The following ABI2 variants were observed in gnomAD, a reference collection of about 807,000 sequenced individuals.
The protein encoded by ABI2 is abl interactor 2.
Under a neutral mutation model 59.2 loss-of-function variants are expected in ABI2, and 25 were observed. The observed-to-expected ratio is 0.42, with a 90% CI of 0.31 to 0.59. The LOEUF is 0.59. Ranked by LOEUF, ABI2 falls within the 20% of genes least tolerant of loss-of-function variation. ABI2 has a pLI of 0.14. For synonymous variants in ABI2, 213 were observed against 235.5 expected (o/e 0.90, Z 0.87); for missense variants, 545 against 681.8 (o/e 0.80, Z 2.23).
At chr2:203,405,810 G>C (rs1017701552) in intron 9 of ABI2, among the ~76,000 whole-genome samples, 236 of 152,164 alleles carry the variant, frequency 1.6e-3, no homozygotes, top group Non-Finnish European at 4.3e-4. Context: ...ATTCAGTGGG[G>C]TTCTGTGAGG....
At chr2:203,396,135 A>G (rs2096971693) in intron 7 of ABI2, among the ~76,000 whole-genome samples, 1 of 152,222 alleles carries the variant, frequency 6.6e-6, no homozygotes, top group South Asian at 2.1e-4. Flanking sequence ...GCAGATATAA[A>G]AAGTAGTTTT....
At chr2:203,417,868 A>T (rs532741206) in intron 11 of ABI2, among the ~76,000 whole-genome samples, 3 of 152,264 alleles carry the variant, frequency 2.0e-5, no homozygotes, top group East Asian at 1.9e-4. Flanking sequence ...AAGGAAATTA[A>T]TTTTTTTCTT....
Position 203,394,303 on chromosome 2 carries a change from A to G in ABI2, c.579-397A>G, listed in dbSNP as rs573453472. ...TTCCTGTCTTTGAATATCTTTGGTT[A>G]GGGAGAGAAGGGAGAGGAGAATAAT... On this transcript the variant is annotated intron_variant, in intron 5 of 11. Coordinates refer to ENST00000261018, the MANE Select transcript of ABI2 (RefSeq NM_001375670.1). 1.2e-4 allele frequency: 20 copies of G among 162,674 alleles called. No individual in the cohort carries two copies. The South Asian group carries it at 3.7e-3, about 30-fold the overall frequency. 10.1% of individuals were successfully genotyped at this position (162,674 alleles called of 1,614,324 possible).
intron 1 of ABI2, among the ~76,000 whole-genome samples, chr2:203,331,966 C>T (rs1055947246): frequency 7.2e-5 from 11 of 151,732 alleles, no homozygotes; most frequent in African/African-American, 2.2e-4. Context: ...CGTGCCAACA[C>T]GCCCAGCTAA....
At chr2:203,332,261 A>G (rs1271219683) in intron 1 of ABI2, among the ~76,000 whole-genome samples, 5 of 152,188 alleles carry the variant, frequency 3.3e-5, no homozygotes, top group Non-Finnish European at 5.9e-5. Context: ...TTGCCTATAC[A>G]AAGGATTTAG....
intron 11 of ABI2, among the ~76,000 whole-genome samples, chr2:203,423,056 G>T (rs1580966126): frequency 1.3e-5 from 2 of 152,196 alleles, no homozygotes; most frequent in African/African-American, 2.4e-5. Flanking sequence ...GCTAGTTTAG[G>T]GTACTTAATT....
At chr2:203,332,212 A>G (rs2074087171) in intron 1 of ABI2, among the ~76,000 whole-genome samples, 1 of 152,334 alleles carries the variant, frequency 6.6e-6, no homozygotes, top group East Asian at 1.9e-4. Context: ...AACAGGTATA[A>G]CTACAGTTTG....
At chr2:203,388,418 C>T (rs943389276) in intron 4 of ABI2, among the ~76,000 whole-genome samples, 1 of 152,120 alleles carries the variant, frequency 6.6e-6, no homozygotes, top group Non-Finnish European at 1.5e-5. Flanking sequence ...CATGGTGGCT[C>T]ATGCCTGTAA....
At chr2:203,345,826 G>T (rs888198023) in intron 1 of ABI2, among the ~76,000 whole-genome samples, 2 of 151,786 alleles carry the variant, frequency 1.3e-5, no homozygotes, top group Non-Finnish European at 2.9e-5. Flanking sequence ...GGTTACAGGC[G>T]TGAGGCACTG....
At chr2:203,412,973 A>T (rs539883602) in intron 10 of ABI2, among the ~76,000 whole-genome samples, 1 of 152,304 alleles carries the variant, frequency 6.6e-6, no homozygotes, top group South Asian at 2.1e-4. Flanking sequence ...CAGTAAAATA[A>T]TTTTTTTCCA....
intron 10 of ABI2, among the ~76,000 whole-genome samples, chr2:203,412,724 A>G (rs1181510191): frequency 2.6e-5 from 4 of 152,320 alleles, no homozygotes; most frequent in East Asian, 3.9e-4. Context: ...ACATTCAACT[A>G]TTAATAGTTC....
At chr2:203,414,487 T>A (rs572215332) in intron 10 of ABI2, among the ~76,000 whole-genome samples, 53 of 152,270 alleles carry the variant, frequency 3.5e-4, no homozygotes, top group African/African-American at 1.2e-3. Flanking sequence ...CTCTTACTCT[T>A]CCTTCAGGTT....
intron 8 of ABI2, among the ~76,000 whole-genome samples, chr2:203,401,722 TG>T (rs1370894605): frequency 6.6e-6 from 1 of 152,212 alleles, no homozygotes; most frequent in Non-Finnish European, 1.5e-5. Context: ...GTAGCTTTCG[TG>T]GTAGATTTTT....
chr2:203,328,487 T>C lies in ABI2; in HGVS notation c.-28T>C, dbSNP rs561445689. 6.9e-7 allele frequency: 1 copy of C among 1,459,552 alleles called. No homozygotes were observed. Among genetic ancestry groups the C allele is most frequent in the African/African-American group, 1.4e-5 (1 of 70,332 alleles). The allele number at this position is 1,459,552 out of a possible 1,614,324, so 90.4% of individuals were successfully genotyped here. ...GCCGCCGCTCCCTCTGCGACCTGTA[T>C]GAGGAGGAGGAGGAGGAGGATGTGA... On this transcript the variant is annotated 5_prime_UTR_variant, in exon 1 of 12. It removes an upstream start codon present in the reference 5' UTR. Transcript: ENST00000261018.
chr2:203,370,489 G>C (rs2095058613), intron 2 of ABI2, among the ~76,000 whole-genome samples: 1 of 152,116 alleles, frequency 6.6e-6, no homozygotes, highest in South Asian at 2.1e-4. Flanking sequence ...TTTAAACAAT[G>C]ATTTAAAAAT....
At chr2:203,357,198 A>G (rs2092345433) in intron 1 of ABI2, among the ~76,000 whole-genome samples, 1 of 152,222 alleles carries the variant, frequency 6.6e-6, no homozygotes, top group Admixed American at 6.5e-5. Context: ...AATGTGTTCC[A>G]GAAAAGAATC....
At chr2:203,329,063 C>T (rs1217717099) in intron 1 of ABI2, 1 of 156,004 alleles carries the variant, frequency 6.4e-6, no homozygotes, top group Non-Finnish European at 1.4e-5. Context: ...AAGGGGTTAT[C>T]TTGCTGCAGA....
intron 10 of ABI2, among the ~76,000 whole-genome samples, chr2:203,414,088 GTAC>G (rs1329550298): frequency 1.4e-5 from 2 of 145,908 alleles, no homozygotes; most frequent in African/African-American, 5.1e-5. Flanking sequence ...TCTTACCTTT[GTAC>G]TTGCATTGTC....
chr2:203,354,829 A>G (rs1204638181), intron 1 of ABI2, among the ~76,000 whole-genome samples: 1 of 152,190 alleles, frequency 6.6e-6, no homozygotes, highest in African/African-American at 2.4e-5. Flanking sequence ...CCAGAGGGAT[A>G]TGCTATCTTA....
Sources: allele counts gnomAD v4.1 joint callset (sites outside exome capture counted in the v4.1 genomes callset), GRCh38; gene constraint gnomAD v4.1.1; transcripts MANE v1.5; gene names NCBI Gene and HGNC (gene_info 2026-07-23, HGNC 2026-07-21).